Variants in KDSR observed in about 807,000 individuals in gnomAD.
KDSR encodes 3-ketodihydrosphingosine reductase.
A neutral mutation model predicts 41.3 loss-of-function variants in KDSR; 23 were observed. The observed-to-expected ratio is 0.56, with a 90% CI of 0.40 to 0.79. The LOEUF (loss-of-function observed/expected upper bound fraction) is 0.79, where lower values mean the gene tolerates loss of function less well. Among genes scored for constraint, KDSR ranks in the 30% least tolerant of loss-of-function variants. The pLI is 0.00. For missense variants in KDSR, 351 were observed against 416.8 expected, an observed-to-expected ratio of 0.84 and a Z score of 1.37; for synonymous variants, 138 against 151.7, an observed-to-expected ratio of 0.91 and a Z score of 0.66.
chr18:63,327,981 C>A lies in KDSR; in HGVS notation c.*3801G>T. 4.9e-6 allele frequency: 1 copy of A among 202,582 alleles called. No homozygotes were observed. Among genetic ancestry groups the A allele is most frequent in the Non-Finnish European group, 1.0e-5 (1 of 98,756 alleles). The allele number at this position is 202,582 out of a possible 1,614,324, so 12.5% of individuals were successfully genotyped here. On this transcript the variant is annotated 3_prime_UTR_variant, in exon 10 of 10. Transcript: ENST00000645214. ...CACAGTTACTGCACTGAAGTATAATCCGAAGAGCAAGATTTAGTCCAGAAT... is the reference window on the plus strand; with the variant it reads ...CACAGTTACTGCACTGAAGTATAATACGAAGAGCAAGATTTAGTCCAGAAT...
At chr18:63,346,674 T>C in intron 6 of KDSR, 1 of 152,280 alleles carries the variant, frequency 6.6e-6, no homozygotes. Context: ...CCTAGATTGG[T>C]ATTCTCGCTA....
chr18:63,344,670 A>C, intron 6 of KDSR, 177 bp from the exon 7 acceptor site: 1 of 510,742 alleles, frequency 2.0e-6, no homozygotes, highest in Non-Finnish European at 3.5e-6. Context: ...TGATTCCAGA[A>C]TGTAGGCAAA....
intron 9 of KDSR, among the ~76,000 whole-genome samples, chr18:63,334,419 C>T (rs190390298): frequency 1.1e-3 from 170 of 150,768 alleles, no homozygotes; most frequent in African/African-American, 3.8e-3. Context: ...GGCTTGATCT[C>T]GGCTCACTGC....
At chr18:63,354,871 T>C (rs1914754029) in intron 5 of KDSR, among the ~76,000 whole-genome samples, 1 of 152,196 alleles carries the variant, frequency 6.6e-6, no homozygotes, top group South Asian at 2.1e-4. Context: ...TGATGTTTGA[T>C]AGGAACATCC....
intron 7 of KDSR, among the ~76,000 whole-genome samples, chr18:63,341,516 A>C (rs1914339297): frequency 6.6e-6 from 1 of 152,072 alleles, no homozygotes; most frequent in Admixed American, 6.5e-5. Context: ...TTAGAGGATC[A>C]GTCCAGAAAG....
Position 63,330,465 on chromosome 18 carries a change from A to AT in KDSR, c.*1316dup, listed in dbSNP as rs1239565842. Reference sequence around the variant, plus strand: ...TGTCAAAATCCACTAATGAACACAGATCCTATAACCTGGAAACAACATTCA... The same window carrying AT: ...TGTCAAAATCCACTAATGAACACAGATTCCTATAACCTGGAAACAACATTCA... On this transcript the variant is annotated 3_prime_UTR_variant, in exon 10 of 10. Transcript: ENST00000645214. 1 of 230,914 alleles carries AT rather than the reference A, an allele frequency of 4.3e-6. No homozygotes were observed. The highest frequency in any genetic ancestry group is 8.6e-6 in the Non-Finnish European group (1 of 116,636). The allele number at this position is 230,914 out of a possible 1,614,324, so 14.3% of individuals were successfully genotyped here.
chr18:63,348,491 A>G (rs901712895), intron 6 of KDSR, among the ~76,000 whole-genome samples: 4 of 152,220 alleles, frequency 2.6e-5, no homozygotes, highest in African/African-American at 9.6e-5. Flanking sequence ...AACAAACTAC[A>G]TTTTGATGAC....
At chr18:63,346,443 T>C (rs927174502) in intron 6 of KDSR, 5 of 152,316 alleles carry the variant, frequency 3.3e-5, no homozygotes, top group Non-Finnish European at 5.9e-5. Flanking sequence ...TGACATCGAC[T>C]GCCCAGAAAC....
chr18:63,355,389 C>G lies in KDSR; in HGVS notation c.322-90G>C, dbSNP rs77123659. 4.2e-3 allele frequency: 6,786 copies of G among 1,604,732 alleles called. 249 individuals are homozygous for G. In the African/African-American group the frequency reaches 0.08, roughly 19 times the overall value. On this transcript the variant is annotated intron_variant, in intron 4 of 9. Transcript: ENST00000645214. ...ATGCTGATAAATAAAATTTACAAAA[C>G]TATTAAACCTATAGAGAAGTTGTGT...
At chr18:63,366,982 T>A in intron 1 of KDSR, 29 bp downstream of exon 1, 4 of 1,215,648 alleles carry the variant, frequency 3.3e-6, no homozygotes, top group Non-Finnish European at 4.3e-6. Context: ...GGCCGGTAAG[T>A]CGGGGGGCAG....
At position 63,351,041 on chromosome 18, in the gene KDSR, G is replaced by C. The variant is rs1063341; in HGVS notation, c.456C>G (p.Pro152=). 3 of 1,614,074 alleles carry C rather than the reference G, an allele frequency of 1.9e-6. No homozygotes were observed. The highest frequency in any genetic ancestry group is 4.5e-5 in the East Asian group (2 of 44,886). Residue 152 remains proline (P), a synonymous_variant, in exon 6 of 10, where the codon CCC becomes CCG. Transcript: ENST00000645214. The part of the protein sequence containing the change: ...MSINYLGSVY[P]SRAVITTMKE... The stretch of plus-strand genomic sequence containing the variant: ...TCATGGTGGTGATCACGGCCCGGCT[G>C]GGGTACACGCTGCCCAGGTAATTGA...
At chr18:63,341,460 A>T (rs1028788341) in intron 7 of KDSR, among the ~76,000 whole-genome samples, 2 of 151,860 alleles carry the variant, frequency 1.3e-5, no homozygotes, top group Non-Finnish European at 2.9e-5. Flanking sequence ...GGAGAACAAA[A>T]GGCCCAAGAG....
intron 9 of KDSR, among the ~76,000 whole-genome samples, chr18:63,334,558 A>G (rs954064058): frequency 9.9e-5 from 15 of 152,088 alleles, no homozygotes; most frequent in African/African-American, 3.4e-4. Flanking sequence ...CATCTTGGCC[A>G]GGCTGGTCTC....
At chr18:63,335,502 G>A (rs1444640268) in intron 8 of KDSR, 144 bp from the exon 9 acceptor site, 1 of 622,882 alleles carries the variant, frequency 1.6e-6, no homozygotes, top group Non-Finnish European at 2.8e-6. Context: ...ACTCAGAAAT[G>A]GACGCACGGC....
intron 7 of KDSR, among the ~76,000 whole-genome samples, chr18:63,339,743 TTTTC>T (rs1914289608): frequency 6.6e-6 from 1 of 152,242 alleles, no homozygotes; most frequent in African/African-American, 2.4e-5. Flanking sequence ...TATCTTTGGC[TTTTC>T]TTTGCGATGT....
intron 6 of KDSR, among the ~76,000 whole-genome samples, chr18:63,348,640 A>C (rs1185373139): frequency 6.6e-6 from 1 of 152,166 alleles, no homozygotes; most frequent in East Asian, 1.9e-4. Context: ...GGCTACTCGC[A>C]GTATGCAAAT....
chr18:63,347,204 T>C (rs1337282717), intron 6 of KDSR, among the ~76,000 whole-genome samples: 1 of 152,068 alleles, frequency 6.6e-6, no homozygotes, highest in African/African-American at 2.4e-5. Context: ...TGACCACTTG[T>C]TCAAGAACCG....
chr18:63,343,646 C>T (rs1460509168), intron 7 of KDSR, among the ~76,000 whole-genome samples: 1 of 151,718 alleles, frequency 6.6e-6, no homozygotes, highest in African/African-American at 2.4e-5. Flanking sequence ...GCCTAGGCCT[C>T]CCAAAGTGCT....
chr18:63,364,808 T>TA (rs1915089038), intron 1 of KDSR, among the ~76,000 whole-genome samples: 1 of 152,256 alleles, frequency 6.6e-6, no homozygotes. Flanking sequence ...CTCCTGTTTT[T>TA]AAAAAATTAT....
Sources: gnomAD v4.1 joint callset for allele counts (sites outside exome capture counted in the v4.1 genomes callset) on GRCh38, gnomAD v4.1.1 for gene constraint, MANE v1.5 for transcripts, NCBI Gene and HGNC (gene_info 2026-07-23, HGNC 2026-07-21) for gene names.